Variants in NEGR1 observed in about 807,000 individuals in gnomAD.
NEGR1 encodes the protein neuronal growth regulator 1.
A neutral mutation model predicts 40.9 loss-of-function variants in NEGR1; 10 were observed. That is an observed-to-expected ratio of 0.24 (90% CI 0.15 to 0.42). The LOEUF is 0.42. Among genes scored for constraint, NEGR1 ranks in the 10% least tolerant of loss-of-function variants. The pLI is 1.00. For missense variants in NEGR1, 352 were observed against 438.9 expected (o/e 0.80, Z 1.77); for synonymous variants, 185 against 166.8 (o/e 1.11, Z -0.84).
chr1:71,935,406 A>G, intron 1 of NEGR1, 95 bp from the exon 2 acceptor site: 2 of 791,342 alleles, frequency 2.5e-6, no homozygotes, highest in Non-Finnish European at 4.2e-6. Context: ...GCTGAATAAT[A>G]GCACAGCATC....
At chr1:72,009,699 G>T (rs1312856236) in intron 1 of NEGR1, among the ~76,000 whole-genome samples, 1 of 151,980 alleles carries the variant, frequency 6.6e-6, no homozygotes, top group Non-Finnish European at 1.5e-5. Flanking sequence ...CTCTCCATAG[G>T]CAACTGTTTT....
chr1:71,797,665 G>T (rs984409337), intron 2 of NEGR1, among the ~76,000 whole-genome samples: 2 of 152,148 alleles, frequency 1.3e-5, no homozygotes, highest in African/African-American at 2.4e-5. Flanking sequence ...ATTAAATGCT[G>T]TTGGATTGAA....
At chr1:72,274,457 C>G in intron 1 of NEGR1, 1 of 564,252 alleles carries the variant, frequency 1.8e-6, no homozygotes. Flanking sequence ...GGATCCAGCT[C>G]TTGAGCAGCA....
chr1:71,434,790 A>G (rs1351075874), intron 6 of NEGR1, among the ~76,000 whole-genome samples: 5 of 152,200 alleles, frequency 3.3e-5, no homozygotes, highest in African/African-American at 9.7e-5. Flanking sequence ...TTGTTACTAT[A>G]GTTAAAAAAA....
intron 2 of NEGR1, among the ~76,000 whole-genome samples, chr1:71,929,743 TTTC>T (rs1317207886): frequency 6.6e-6 from 1 of 152,074 alleles, no homozygotes. Context: ...TTTTTTTTTT[TTTC>T]TTCTTTTGGT....
intron 2 of NEGR1, among the ~76,000 whole-genome samples, chr1:71,911,963 G>A (rs1264976054): frequency 3.3e-5 from 5 of 152,014 alleles, no homozygotes; most frequent in Admixed American, 2.6e-4. Context: ...TGCTTTTTGG[G>A]TTGACTAATA....
rs762927832 is a variant in NEGR1 at position 71,928,049 on chromosome 1, C to CACACACATAT, written c.409+7029_409+7030insATATGTGTGT. On this transcript the variant is annotated intron_variant, in intron 2 of 6. Transcript: ENST00000357731. Reference sequence around the variant, plus strand: ...AAATACACACACACACACACACACACGTATATATATACACACACACATATG... The same window carrying CACACACATAT: ...AAATACACACACACACACACACACACACACACATATGTATATATATACACACACACATATG... Among the ~76,000 whole-genome samples, 33 of 86,204 alleles carry CACACACATAT rather than the reference C, an allele frequency of 3.8e-4. 2 individuals are homozygous for CACACACATAT. Among genetic ancestry groups the CACACACATAT allele is most frequent in the Admixed American group, 5.5e-4 (3 of 5,480 alleles). 56.6% of individuals were successfully genotyped at this position (86,204 alleles called of 152,430 possible). A position where few individuals can be genotyped will look rare whatever the true frequency, so the allele number is the denominator to read the frequency against.
chr1:72,190,612 T>G (rs931751841), intron 1 of NEGR1, among the ~76,000 whole-genome samples: 9 of 151,640 alleles, frequency 5.9e-5, no homozygotes, highest in Non-Finnish European at 1.3e-4. Flanking sequence ...CCTAAACATA[T>G]ACTTCAATTT....
At chr1:71,525,167 G>A in intron 6 of NEGR1, among the ~76,000 whole-genome samples, 1 of 151,708 alleles carries the variant, frequency 6.6e-6, no homozygotes, top group Non-Finnish European at 1.5e-5. Flanking sequence ...AATCTTATGT[G>A]TTTCCTAAGT....
intron 2 of NEGR1, among the ~76,000 whole-genome samples, chr1:71,833,020 A>AAAAAC (rs1658892512): frequency 6.6e-6 from 1 of 152,078 alleles, no homozygotes. Context: ...ACATAGAAAG[A>AAAAAC]AAAACATCAT....
At chr1:71,669,842 G>A (rs1652360470) in intron 4 of NEGR1, among the ~76,000 whole-genome samples, 8 of 152,004 alleles carry the variant, frequency 5.3e-5, no homozygotes, top group Admixed American at 5.2e-4. Context: ...GTAGAGATAG[G>A]GATTTCACCA....
At chr1:71,614,888 T>C (rs764639984) in intron 4 of NEGR1, among the ~76,000 whole-genome samples, 81 of 152,216 alleles carry the variant, frequency 5.3e-4, no homozygotes, top group Non-Finnish European at 1.0e-3. Flanking sequence ...TAAAGGGACA[T>C]GATCCTGTTA....
At chr1:71,637,737 G>C (rs1651204383) in intron 4 of NEGR1, among the ~76,000 whole-genome samples, 1 of 151,832 alleles carries the variant, frequency 6.6e-6, no homozygotes, top group African/African-American at 2.4e-5. Context: ...AAGAAGAAGA[G>C]GGTGAAGACA....
intron 1 of NEGR1, among the ~76,000 whole-genome samples, chr1:72,158,409 T>A (rs1570055989): frequency 6.6e-6 from 1 of 152,142 alleles, no homozygotes; most frequent in Non-Finnish European, 1.5e-5. Context: ...GGCTCACAGG[T>A]AGCAGGGTCC....
chr1:71,546,434 A>G (rs1647898910), intron 6 of NEGR1, among the ~76,000 whole-genome samples: 1 of 151,758 alleles, frequency 6.6e-6, no homozygotes, highest in Non-Finnish European at 1.5e-5. Context: ...TTAAAATAAA[A>G]ATAAATATAG....
chr1:71,565,835 A>G (rs1479804838), intron 6 of NEGR1, among the ~76,000 whole-genome samples: 3 of 152,298 alleles, frequency 2.0e-5, no homozygotes, highest in South Asian at 2.1e-4. Flanking sequence ...ATACAATTCT[A>G]TAAGTTTTTC....
intron 2 of NEGR1, among the ~76,000 whole-genome samples, chr1:71,905,713 T>C (rs1281957712): frequency 6.6e-6 from 1 of 152,024 alleles, no homozygotes; most frequent in Non-Finnish European, 1.5e-5. Context: ...AAGATACATT[T>C]AAAACAGGGT....
intron 3 of NEGR1, among the ~76,000 whole-genome samples, chr1:71,733,830 C>A (rs1381871475): frequency 6.6e-6 from 1 of 152,052 alleles, no homozygotes; most frequent in Non-Finnish European, 1.5e-5. Context: ...GTACTGATTC[C>A]TAAAAAAATC....
intron 6 of NEGR1, among the ~76,000 whole-genome samples, chr1:71,424,467 C>T (rs1268096252): frequency 6.6e-6 from 1 of 152,172 alleles, no homozygotes; most frequent in East Asian, 1.9e-4. Context: ...CCCAGACATT[C>T]CCATCCCCTG....
Sources: gnomAD v4.1 joint callset for allele counts (sites outside exome capture counted in the v4.1 genomes callset) on GRCh38, gnomAD v4.1.1 for gene constraint, MANE v1.5 for transcripts, NCBI Gene and HGNC (gene_info 2026-07-23, HGNC 2026-07-21) for gene names.